ATF3: variants seen among roughly 807,000 people sequenced by gnomAD.
ATF3 encodes the protein activating transcription factor 3.
ATF3 carries 10 observed loss-of-function variants against 18.4 expected under a neutral mutation model. The ratio of observed to expected loss-of-function variants is 0.54; its 90% CI spans 0.34 to 0.92. The LOEUF (loss-of-function observed/expected upper bound fraction) is 0.92, where lower values mean the gene tolerates loss of function less well. Ranked by LOEUF, ATF3 falls within the 40% of genes least tolerant of loss-of-function variation. The pLI is 0.02. For synonymous variants in ATF3, 78 were observed against 87.9 expected (o/e 0.89, Z 0.63); for missense variants, 183 against 222.3 (o/e 0.82, Z 1.12).
chr1:212,575,010 A>G (rs1319201273), intron 1 of ATF3, among the ~76,000 whole-genome samples: 2 of 128,080 alleles, frequency 1.6e-5, no homozygotes, highest in African/African-American at 8.5e-5. Flanking sequence ...AGAATTGTGC[A>G]CACACACACA....
chr1:212,618,344 A>G lies in ATF3; in HGVS notation c.348+110A>G. The G allele has an allele frequency of 2.6e-6, 3 of 1,135,670 alleles. No individual in the cohort carries two copies. The highest frequency in any genetic ancestry group is 4.0e-6 in the Non-Finnish European group (3 of 748,274). 70.3% of individuals were successfully genotyped at this position (1,135,670 alleles called of 1,614,324 possible). A position where few individuals can be genotyped will look rare whatever the true frequency, so the allele number is the denominator to read the frequency against. On this transcript the variant is annotated intron_variant, in intron 3 of 3. Coordinates refer to ENST00000341491, the MANE Select transcript of ATF3 (RefSeq NM_001674.4). The surrounding 1 kb of genome is among the most constrained non-coding windows in gnomAD (Gnocchi z 4.4). ...ACCCCCTACTTGGTTATAGTTTCCCAAGAAGGGCCTTGTAGCTGGTAGCAG... is the reference window on the plus strand; with the variant it reads ...ACCCCCTACTTGGTTATAGTTTCCCGAGAAGGGCCTTGTAGCTGGTAGCAG...
At chr1:212,588,400 G>A (rs111595262) in intron 1 of ATF3, among the ~76,000 whole-genome samples, 2,020 of 151,954 alleles carry the variant, frequency 0.013, 33 homozygotes, top group Non-Finnish European at 0.019. Flanking sequence ...ATCACATCTC[G>A]TCACCCTAGG....
intron 1 of ATF3, among the ~76,000 whole-genome samples, chr1:212,587,302 G>A (rs1664797954): frequency 6.6e-6 from 1 of 152,198 alleles, no homozygotes; most frequent in African/African-American, 2.4e-5. Context: ...GTACCTATGA[G>A]TTTTTATCTG....
Position 212,619,266 on chromosome 1 carries a change from G to C in ATF3, c.349-92G>C. 6.2e-7 allele frequency: 1 copy of C among 1,611,298 alleles called. No individual in the cohort carries two copies. The highest frequency in any genetic ancestry group is 2.2e-5 in the East Asian group (1 of 44,866). On this transcript the variant is annotated intron_variant, in intron 3 of 3. Coordinates refer to ENST00000341491, the MANE Select transcript of ATF3 (RefSeq NM_001674.4). This position sits in a 1 kb window ranked among gnomAD's most constrained non-coding sequence, Gnocchi z 4.4. ...GCTTGATGAGCCCCGGTGTGTCCCA[G>C]GTACACCCCTGCATCCAGGCAGCAG...
At chr1:212,572,309 G>A (rs1263319702) in intron 1 of ATF3, among the ~76,000 whole-genome samples, 4 of 152,010 alleles carry the variant, frequency 2.6e-5, no homozygotes, top group Non-Finnish European at 5.9e-5. Context: ...CTGAGGTAGG[G>A]GGTTCGAGAC....
At chr1:212,570,477 T>C (rs1349668246) in intron 1 of ATF3, among the ~76,000 whole-genome samples, 1 of 152,176 alleles carries the variant, frequency 6.6e-6, no homozygotes, top group East Asian at 1.9e-4. Context: ...CAGGTGATGG[T>C]TGCACATATC....
At chr1:212,595,437 G>A (rs1273245848) in intron 1 of ATF3, among the ~76,000 whole-genome samples, 1 of 152,182 alleles carries the variant, frequency 6.6e-6, no homozygotes, top group Non-Finnish European at 1.5e-5. Flanking sequence ...CCCCAGCCCG[G>A]TGCTCCCGCA....
intron 1 of ATF3, among the ~76,000 whole-genome samples, chr1:212,586,395 C>G (rs1193147085): frequency 6.6e-6 from 1 of 152,192 alleles, no homozygotes; most frequent in Non-Finnish European, 1.5e-5. Flanking sequence ...GGACATGGCA[C>G]TTTCTTCCTC....
At chr1:212,614,958 G>C (rs1231756425) in intron 1 of ATF3, 60 bp from the exon 2 acceptor site, 1 of 1,613,606 alleles carries the variant, frequency 6.2e-7, no homozygotes, top group African/African-American at 1.3e-5. Context: ...GTGGGGGAGG[G>C]GGACTTGATC....
chr1:212,619,014 C>G lies in ATF3; in HGVS notation c.349-344C>G. ...ATTGAGATCTGTGACTCAGAATCGA[C>G]TAAGCCACCATAAGTCTGGATTTCT... On this transcript the variant is annotated intron_variant, in intron 3 of 3. Coordinates refer to ENST00000341491, the MANE Select transcript of ATF3 (RefSeq NM_001674.4). The surrounding 1 kb of genome is among the most constrained non-coding windows in gnomAD (Gnocchi z 4.4). 1 of 1,614,000 alleles carries G rather than the reference C, an allele frequency of 6.2e-7. No homozygotes were observed.
intron 1 of ATF3, among the ~76,000 whole-genome samples, chr1:212,592,449 TAGAC>T (rs1664905870): frequency 1.3e-5 from 2 of 151,936 alleles, no homozygotes; most frequent in South Asian, 4.1e-4. Flanking sequence ...ATTTTACAGT[TAGAC>T]AGAATCAGGA....
At chr1:212,582,950 A>G (rs1021845405) in intron 1 of ATF3, among the ~76,000 whole-genome samples, 1 of 151,878 alleles carries the variant, frequency 6.6e-6, no homozygotes. Flanking sequence ...TTGGATTCCA[A>G]TCCAGGTCTC....
At chr1:212,588,548 T>C (rs757279685) in intron 1 of ATF3, among the ~76,000 whole-genome samples, 2 of 152,176 alleles carry the variant, frequency 1.3e-5, no homozygotes, top group Non-Finnish European at 2.9e-5. Context: ...TCTTTTTAAA[T>C]TTAAATTTAC....
intron 1 of ATF3, among the ~76,000 whole-genome samples, chr1:212,611,680 A>G (rs1470178701): frequency 6.6e-6 from 1 of 152,244 alleles, no homozygotes; most frequent in East Asian, 1.9e-4. Context: ...AGCAATGCTT[A>G]GTGGAAAGAG....
chr1:212,593,446 A>C (rs896928547), intron 1 of ATF3, among the ~76,000 whole-genome samples: 6 of 152,138 alleles, frequency 3.9e-5, no homozygotes, highest in Admixed American at 1.3e-4. Context: ...ATAAAAAAAA[A>C]AAGTGTTCTT....
chr1:212,620,090 G>A lies in ATF3; in HGVS notation c.*535G>A, dbSNP rs1304124412. 5.8e-6 allele frequency: 1 copy of A among 172,132 alleles called. No individual in the cohort carries two copies. Among genetic ancestry groups the A allele is most frequent in the East Asian group, 1.5e-4 (1 of 6,566 alleles). The allele number at this position is 172,132 out of a possible 1,614,324, so 10.7% of individuals were successfully genotyped here. On this transcript the variant is annotated 3_prime_UTR_variant, in exon 4 of 4. Transcript: ENST00000341491. ...AAACTAGGCAATGTACTCTTCCGATGTTTGTGTCACACAACACTGATGTGA... is the reference window on the plus strand; with the variant it reads ...AAACTAGGCAATGTACTCTTCCGATATTTGTGTCACACAACACTGATGTGA...
intron 1 of ATF3, among the ~76,000 whole-genome samples, chr1:212,597,001 C>T (rs904554846): frequency 3.3e-5 from 5 of 152,170 alleles, no homozygotes; most frequent in Admixed American, 2.0e-4. Context: ...AATACATACA[C>T]GAGGAATGAG....
intron 1 of ATF3, among the ~76,000 whole-genome samples, chr1:212,593,218 C>G (rs969594651): frequency 3.4e-5 from 5 of 144,946 alleles, no homozygotes; most frequent in African/African-American, 1.3e-4. Context: ...CATGTTCTCA[C>G]TCATAGGTGG....
At chr1:212,594,862 G>C (rs1461498699) in intron 1 of ATF3, among the ~76,000 whole-genome samples, 1 of 152,210 alleles carries the variant, frequency 6.6e-6, no homozygotes, top group African/African-American at 2.4e-5. Flanking sequence ...GCCAGCACCT[G>C]TGAGCAGAAT....
Sources: gnomAD v4.1 joint callset for allele counts (sites outside exome capture counted in the v4.1 genomes callset) on GRCh38, gnomAD v4.1.1 for gene constraint, Gnocchi (gnomAD v3.1) non-coding constraint, MANE v1.5 for transcripts, NCBI Gene and HGNC (gene_info 2026-07-23, HGNC 2026-07-21) for gene names.